The following RPS6KC1 variants were observed in gnomAD, a reference collection of about 807,000 sequenced individuals.
RPS6KC1 encodes the protein inactive ribosomal protein S6 kinase delta-1.
A neutral mutation model predicts 103.8 loss-of-function variants in RPS6KC1; 54 were observed. The observed-to-expected ratio is 0.52, with a 90% CI of 0.42 to 0.65. The LOEUF (loss-of-function observed/expected upper bound fraction) is 0.65. RPS6KC1 is among the 30% of genes least tolerant of loss of function. The pLI, the probability that RPS6KC1 is intolerant of heterozygous loss-of-function variation, is 0.00. For missense variants in RPS6KC1, 1,151 were observed against 1,253.8 expected (o/e 0.92, Z 1.24); for synonymous variants, 439 against 438.7 (o/e 1.00, Z -0.01).
At chr1:213,850,845 T>C in the RPS6KC1 span, among the ~76,000 whole-genome samples, 1 of 152,084 alleles carries the variant, frequency 6.6e-6, no homozygotes, top group African/African-American at 2.4e-5. Flanking sequence ...TTCTCATACT[T>C]CCTTAAAATA....
chr1:213,220,198 T>A (rs1386025533), intron 8 of RPS6KC1, among the ~76,000 whole-genome samples: 1 of 152,208 alleles, frequency 6.6e-6, no homozygotes, highest in African/African-American at 2.4e-5. Flanking sequence ...ATTACAACAA[T>A]TTTTATGGTA....
the RPS6KC1 span, among the ~76,000 whole-genome samples, chr1:213,356,036 A>G: frequency 1.3e-5 from 2 of 152,204 alleles, no homozygotes; most frequent in Admixed American, 6.5e-5. Flanking sequence ...AAAATATTCA[A>G]TACAGGTCAG....
chr1:213,632,079 T>G, the RPS6KC1 span, among the ~76,000 whole-genome samples: 7 of 152,234 alleles, frequency 4.6e-5, 1 homozygote, highest in Non-Finnish European at 8.8e-5. Flanking sequence ...TGTTCCATAA[T>G]ATCAAGAGGT....
At position 213,167,862 on chromosome 1, in the gene RPS6KC1, G is replaced by A. The variant is rs756442120; in HGVS notation, c.840G>A (p.Glu280=). 1.9e-6 allele frequency: 3 copies of A among 1,603,354 alleles called. No individual in the cohort carries two copies. Among genetic ancestry groups the A allele is most frequent in the Non-Finnish European group, 1.7e-6 (2 of 1,175,660 alleles). The change falls in exon 7 of 15, where the codon GAG becomes GAA. Residue 280 remains glutamate, a synonymous_variant. Transcript: ENST00000366960. Reference sequence around the variant, plus strand: ...TGTCCAGACTTTTTTTTTTAGGAGAGTCAAGCCCTACCCGTCGAGAAGCTG... The same window carrying A: ...TGTCCAGACTTTTTTTTTTAGGAGAATCAAGCCCTACCCGTCGAGAAGCTG... ...VDLLLEGVQG[E]SSPTRREAVK... is the part of the protein sequence containing the mutation.
the RPS6KC1 span, among the ~76,000 whole-genome samples, chr1:213,672,122 TC>T: frequency 2.6e-5 from 4 of 152,092 alleles, no homozygotes; most frequent in African/African-American, 9.7e-5. Flanking sequence ...CTGTACTCTA[TC>T]CCATATCTCC....
At chr1:213,387,115 G>A in the RPS6KC1 span, among the ~76,000 whole-genome samples, 1 of 152,196 alleles carries the variant, frequency 6.6e-6, no homozygotes, top group East Asian at 1.9e-4. Flanking sequence ...AGCCCAGTAG[G>A]GAAGACAGTT....
chr1:213,669,360 G>T, the RPS6KC1 span, among the ~76,000 whole-genome samples: 1 of 152,158 alleles, frequency 6.6e-6, no homozygotes, highest in Non-Finnish European at 1.5e-5. Context: ...GAGAGAGAAA[G>T]GGGGGTGGCC....
chr1:213,814,440 A>G, the RPS6KC1 span, among the ~76,000 whole-genome samples: 1 of 152,170 alleles, frequency 6.6e-6, no homozygotes, highest in Non-Finnish European at 1.5e-5. Context: ...CATAGCAAGG[A>G]GAGTTAGAAT....
chr1:213,302,512 A>G, the RPS6KC1 span, among the ~76,000 whole-genome samples: 1 of 152,232 alleles, frequency 6.6e-6, no homozygotes, highest in Non-Finnish European at 1.5e-5. Flanking sequence ...GAAAAGAAAA[A>G]AAAAGATATC....
intron 8 of RPS6KC1, among the ~76,000 whole-genome samples, chr1:213,203,562 C>A (rs1252786713): frequency 1.3e-5 from 2 of 151,880 alleles, no homozygotes; most frequent in Non-Finnish European, 2.9e-5. Context: ...TATGTTCTTA[C>A]TGAATTTTCA....
At chr1:213,573,748 A>G in the RPS6KC1 span, among the ~76,000 whole-genome samples, 1 of 152,228 alleles carries the variant, frequency 6.6e-6, no homozygotes, top group Non-Finnish European at 1.5e-5. Context: ...GAAGGGACAG[A>G]GAGGTGGGGG....
At chr1:213,231,349 C>T (rs2094100752) in intron 9 of RPS6KC1, among the ~76,000 whole-genome samples, 1 of 152,066 alleles carries the variant, frequency 6.6e-6, no homozygotes, top group South Asian at 2.1e-4. Context: ...ATACATAATG[C>T]AATTTATAAC....
the RPS6KC1 span, among the ~76,000 whole-genome samples, chr1:213,853,918 T>C: frequency 3.9e-5 from 6 of 152,208 alleles, no homozygotes; most frequent in Non-Finnish European, 7.3e-5. Context: ...CAAATAACCC[T>C]GGTTTGTTCA....
the RPS6KC1 span, among the ~76,000 whole-genome samples, chr1:213,631,386 A>AAAAG: frequency 1.3e-5 from 2 of 151,776 alleles, no homozygotes; most frequent in South Asian, 4.2e-4. Context: ...GCCAAAAAAA[A>AAAAG]AAAAAAATAG....
intron 8 of RPS6KC1, among the ~76,000 whole-genome samples, chr1:213,189,602 C>T (rs182594510): frequency 2.0e-5 from 3 of 152,086 alleles, no homozygotes; most frequent in Admixed American, 6.6e-5. Flanking sequence ...ATAATCATAT[C>T]AAGGGAGATG....
At chr1:213,281,797 C>T in the RPS6KC1 span, among the ~76,000 whole-genome samples, 1 of 152,192 alleles carries the variant, frequency 6.6e-6, no homozygotes, top group African/African-American at 2.4e-5. Flanking sequence ...CAACCACCCC[C>T]ACTCCCCAGG....
chr1:213,848,243 A>T, the RPS6KC1 span, among the ~76,000 whole-genome samples: 1 of 152,182 alleles, frequency 6.6e-6, no homozygotes, highest in African/African-American at 2.4e-5. Flanking sequence ...CACAATCAAG[A>T]TATAGAACAT....
chr1:213,685,298 T>C, the RPS6KC1 span, among the ~76,000 whole-genome samples: 1 of 152,186 alleles, frequency 6.6e-6, no homozygotes, highest in African/African-American at 2.4e-5. Flanking sequence ...AATGGATAAC[T>C]TTAATTTCTT....
the RPS6KC1 span, among the ~76,000 whole-genome samples, chr1:213,727,858 G>A: frequency 6.6e-6 from 1 of 152,220 alleles, no homozygotes; most frequent in Non-Finnish European, 1.5e-5. Flanking sequence ...TGGAGAGAAA[G>A]AGAAAAGTTA....
Sources: gnomAD v4.1 joint callset for allele counts (sites outside exome capture counted in the v4.1 genomes callset) on GRCh38, gnomAD v4.1.1 for gene constraint, MANE v1.5 for transcripts, NCBI Gene and HGNC (gene_info 2026-07-23, HGNC 2026-07-21) for gene names.